Variants in CNOT6L observed in about 807,000 individuals in gnomAD.
The protein encoded by CNOT6L is CCR4-NOT transcription complex subunit 6-like.
In CNOT6L, 7 loss-of-function variants were observed where a neutral mutation model predicts 64.0. The observed-to-expected ratio is 0.11, with a 90% CI of 0.06 to 0.21. The LOEUF is 0.21. Ranked by LOEUF, CNOT6L falls within the 10% of genes least tolerant of loss-of-function variation. CNOT6L has a pLI of 1.00. For missense variants in CNOT6L, 245 were observed against 669.0 expected (o/e 0.37, Z 6.99); for synonymous variants, 193 against 243.4 (o/e 0.79, Z 1.93).
chr4:77,738,685 G>A (rs751526117), intron 8 of CNOT6L, among the ~76,000 whole-genome samples: 5 of 150,226 alleles, frequency 3.3e-5, no homozygotes, highest in African/African-American at 4.9e-5. Flanking sequence ...CCTGGGAGGC[G>A]GAGGTTGCAG....
chr4:77,819,316 C>T lies in CNOT6L; in HGVS notation c.-8G>A, dbSNP rs1259067077. On this transcript the variant is annotated 5_prime_UTR_variant, in exon 1 of 12. Coordinates refer to ENST00000504123, the MANE Select transcript of CNOT6L (RefSeq NM_144571.3). ...AAGAACACTCTACCTCATTCTCTTC[C>T]TCTGGCCCAGAAGCAACAGCAGCCA... 1 of 1,613,568 alleles carries T rather than the reference C, an allele frequency of 6.2e-7. No individual in the cohort carries two copies. The highest frequency in any genetic ancestry group is 1.7e-5 in the Admixed American group (1 of 60,006).
rs201888021 is a variant in CNOT6L at position 77,731,532 on chromosome 4, T to C, written c.879A>G (p.Thr293=). The C allele has an allele frequency of 5.7e-6, 9 of 1,565,600 alleles. No homozygotes were observed. The African/African-American group carries it at 7.0e-5, about 12-fold the overall frequency. The change falls in exon 9 of 12, where the codon ACA becomes ACG. Residue 293 remains threonine, a synonymous_variant. Coordinates refer to ENST00000504123, the MANE Select transcript of CNOT6L (RefSeq NM_144571.3). ...CAIFFKTEKF[T]LVQKHTVEFN... is the part of the protein sequence containing the mutation. ...ATTCCACTGTATGCTTCTGCACCAATGTAAATCTAAAAGGTACATTATTAT... is the reference window on the plus strand; with the variant it reads ...ATTCCACTGTATGCTTCTGCACCAACGTAAATCTAAAAGGTACATTATTAT...
chr4:77,786,196 A>T (rs1346310675), intron 1 of CNOT6L, among the ~76,000 whole-genome samples: 1 of 151,938 alleles, frequency 6.6e-6, no homozygotes, highest in Non-Finnish European at 1.5e-5. Flanking sequence ...CAGGGGAATC[A>T]CTTAAACCCG....
rs1295455329 is a variant in CNOT6L, at chr4:77,783,170, A to C, written c.6-6778T>G. ...CCACTCAAAAAAAAAAAAAAAAAAA[A>C]CACATGTTTTATAATGGCAAAGTCA... On this transcript the variant is annotated intron_variant, in intron 1 of 11. Coordinates refer to ENST00000504123, the MANE Select transcript of CNOT6L (RefSeq NM_144571.3). Among the ~76,000 whole-genome samples the C allele has an allele frequency of 4.7e-5, 7 of 150,200 alleles. No homozygotes were observed. The East Asian group carries it at 1.4e-3, about 29-fold the overall frequency.
Position 77,716,805 on chromosome 4 carries a change from A to G in CNOT6L, c.*3626T>C, listed in dbSNP as rs1293298314. On this transcript the variant is annotated 3_prime_UTR_variant, in exon 12 of 12. Coordinates refer to ENST00000504123, the MANE Select transcript of CNOT6L (RefSeq NM_144571.3). ...ACACTAAAACACAGTGGCTTCTTTA[A>G]TACATTCACACAGGATGCTAATTAG... 6.6e-6 allele frequency: 1 copy of G among 152,574 alleles called. No individual in the cohort carries two copies. Among genetic ancestry groups the G allele is most frequent in the Non-Finnish European group, 1.5e-5 (1 of 68,012 alleles). The allele number at this position is 152,574 out of a possible 1,614,324, so 9.5% of individuals were successfully genotyped here.
intron 8 of CNOT6L, among the ~76,000 whole-genome samples, chr4:77,732,438 CAT>C (rs760091747): frequency 5.3e-5 from 8 of 152,156 alleles, no homozygotes; most frequent in Non-Finnish European, 8.8e-5. Context: ...GGAGAGAAGA[CAT>C]AGTCTTGTAA....
chr4:77,778,210 G>C (rs1015437531), intron 1 of CNOT6L, among the ~76,000 whole-genome samples: 3 of 152,166 alleles, frequency 2.0e-5, no homozygotes, highest in African/African-American at 4.8e-5. Context: ...ATTTCTGCTG[G>C]ACACCATAAG....
intron 1 of CNOT6L, among the ~76,000 whole-genome samples, chr4:77,804,526 T>C (rs1038329300): frequency 3.3e-5 from 5 of 151,816 alleles, no homozygotes; most frequent in African/African-American, 1.2e-4. Flanking sequence ...TCACATATTA[T>C]ATGATTCTAC....
At chr4:77,797,840 T>C (rs1731042600) in intron 1 of CNOT6L, among the ~76,000 whole-genome samples, 1 of 152,308 alleles carries the variant, frequency 6.6e-6, no homozygotes, top group Admixed American at 6.5e-5. Context: ...GGGACTACTC[T>C]ATGTTCAACA....
intron 1 of CNOT6L, among the ~76,000 whole-genome samples, chr4:77,802,531 C>G (rs913865550): frequency 3.9e-5 from 6 of 152,130 alleles, no homozygotes; most frequent in African/African-American, 7.2e-5. Flanking sequence ...ACTTTGAAAA[C>G]TAAGGGCAAC....
intron 8 of CNOT6L, among the ~76,000 whole-genome samples, chr4:77,738,569 C>T (rs1553925109): frequency 6.6e-6 from 1 of 152,018 alleles, no homozygotes; most frequent in Non-Finnish European, 1.5e-5. Context: ...GCCTGACCAA[C>T]ATGGAGAAAC....
At chr4:77,786,433 G>A (rs1729451564) in intron 1 of CNOT6L, among the ~76,000 whole-genome samples, 1 of 152,108 alleles carries the variant, frequency 6.6e-6, no homozygotes, top group Non-Finnish European at 1.5e-5. Context: ...TGGTGGCACA[G>A]TGAGACCCTG....
intron 1 of CNOT6L, among the ~76,000 whole-genome samples, chr4:77,798,168 T>C (rs184454611): frequency 6.6e-6 from 1 of 152,010 alleles, no homozygotes; most frequent in Admixed American, 6.5e-5. Context: ...CTTTACAAAG[T>C]AATACAAAAT....
intron 1 of CNOT6L, among the ~76,000 whole-genome samples, chr4:77,777,443 T>C (rs1217215970): frequency 6.6e-6 from 1 of 152,170 alleles, no homozygotes; most frequent in Non-Finnish European, 1.5e-5. Flanking sequence ...CAGCTAGACA[T>C]AAAACTCATC....
chr4:77,819,227 T>TA (rs1363152164), intron 1 of CNOT6L, 77 bp downstream of exon 1: 8 of 1,611,456 alleles, frequency 5.0e-6, no homozygotes, highest in Non-Finnish European at 5.9e-6. Context: ...TTTGTCCCTC[T>TA]CCCACCTCAT....
rs779584300 is a variant in CNOT6L at position 77,729,008 on chromosome 4, C to T, written c.1098G>A (p.Glu366=). The change falls in exon 10 of 12, where the codon GAG becomes GAA. Residue 366 remains glutamate (E), a synonymous_variant. Transcript: ENST00000504123. ...TCTGGATGAGCTTCACATCAGAATA[C>T]TCTGGGTCCCAATGCATGTGGGCAT... The part of the protein sequence containing the change: ...VANAHMHWDP[E]YSDVKLIQTM... 1.7e-5 allele frequency: 27 copies of T among 1,613,832 alleles called. No homozygotes were observed. The highest frequency in any genetic ancestry group is 2.1e-5 in the Non-Finnish European group (25 of 1,179,754).
At chr4:77,753,425 T>A (rs1725076606) in intron 5 of CNOT6L, among the ~76,000 whole-genome samples, 1 of 152,040 alleles carries the variant, frequency 6.6e-6, no homozygotes, top group African/African-American at 2.4e-5. Flanking sequence ...AATCCCAACA[T>A]TTTGAGAAGC....
At chr4:77,778,889 T>C (rs74474166) in intron 1 of CNOT6L, among the ~76,000 whole-genome samples, 1 of 150,090 alleles carries the variant, frequency 6.7e-6, no homozygotes, top group South Asian at 2.1e-4. Context: ...CTAAAAAAAA[T>C]ACAAAAAATT....
At chr4:77,804,432 A>C (rs891214511) in intron 1 of CNOT6L, among the ~76,000 whole-genome samples, 1 of 151,904 alleles carries the variant, frequency 6.6e-6, no homozygotes, top group Non-Finnish European at 1.5e-5. Flanking sequence ...CCATCTCAAA[A>C]AAAAAAAAAA....
Sources: gnomAD v4.1 joint callset for allele counts (sites outside exome capture counted in the v4.1 genomes callset) on GRCh38, gnomAD v4.1.1 for gene constraint, MANE v1.5 for transcripts, NCBI Gene and HGNC (gene_info 2026-07-23, HGNC 2026-07-21) for gene names.